Variants in DMD observed in about 807,000 individuals in gnomAD.
DMD encodes the protein mutant dystrophin.
DMD carries 63 observed loss-of-function variants against 330.1 expected under a neutral mutation model. The ratio of observed to expected loss-of-function variants is 0.19; its 90% CI spans 0.16 to 0.24. DMD has a LOEUF of 0.24. DMD is among the 10% of genes least tolerant of loss of function. The pLI, the probability that DMD is intolerant of heterozygous loss-of-function variation, is 1.00. For synonymous variants in DMD, 1,223 were observed against 959.8 expected (o/e 1.27, Z -5.07); for missense variants, 3,344 against 2,684.1 (o/e 1.25, Z -5.43).
chrX:31,773,878 G>A, intron 51 of DMD, 82 bp downstream of exon 51: 1 of 855,338 alleles, frequency 1.2e-6, no homozygotes, highest in South Asian at 2.1e-5. Flanking sequence ...GGTGGGAAAT[G>A]GTCTAGGAGA....
chrX:31,408,406 T>TTG (rs2061495021), intron 60 of DMD, among the ~76,000 whole-genome samples: 2 of 102,404 alleles, frequency 2.0e-5, no homozygotes, highest in Non-Finnish European at 4.1e-5. Context: ...TTCTTTAAAC[T>TTG]TTTTTTTTTT....
chrX:32,934,762 C>G (rs149615440), intron 2 of DMD, among the ~76,000 whole-genome samples: 255 of 112,282 alleles, frequency 2.3e-3, no homozygotes, highest in African/African-American at 7.8e-3. Flanking sequence ...TAGTTCTTCA[C>G]TCTTTTGTAC....
chrX:32,239,095 C>A (rs1473926182), intron 43 of DMD, among the ~76,000 whole-genome samples: 2 of 111,602 alleles, frequency 1.8e-5, no homozygotes, highest in Admixed American at 9.6e-5. Context: ...ATGGTGCATT[C>A]CTCTTGCGTC....
intron 61 of DMD, among the ~76,000 whole-genome samples, chrX:31,337,143 T>C (rs189450522): frequency 1.5e-4 from 16 of 109,820 alleles, no homozygotes; most frequent in Admixed American, 4.9e-4. Context: ...CAGGTTGGTC[T>C]CCAACTCCTG....
At chrX:31,506,631 A>G in intron 56 of DMD, among the ~76,000 whole-genome samples, 1 of 112,297 alleles carries the variant, frequency 8.9e-6, no homozygotes, top group Non-Finnish European at 1.9e-5. Context: ...AGATGCTATG[A>G]TGCATCCATT....
At chrX:32,828,992 G>T (rs1356705144) in intron 4 of DMD, among the ~76,000 whole-genome samples, 2 of 111,087 alleles carry the variant, frequency 1.8e-5, no homozygotes, top group African/African-American at 6.5e-5. Context: ...TGAATTTTAA[G>T]AGCTCTTGGT....
chrX:32,926,257 A>G (rs1233015512), intron 2 of DMD, among the ~76,000 whole-genome samples: 1 of 112,188 alleles, frequency 8.9e-6, no homozygotes, highest in African/African-American at 3.2e-5. Context: ...AGTTGGGCTC[A>G]TAGAAGTAGA....
intron 33 of DMD, among the ~76,000 whole-genome samples, chrX:32,381,904 T>C (rs950815788): frequency 9.0e-6 from 1 of 111,043 alleles, no homozygotes; most frequent in African/African-American, 3.3e-5. Context: ...GGCTCTGCGA[T>C]ACGTAGTGGA....
At chrX:32,434,369 C>T (rs947804138) in intron 29 of DMD, among the ~76,000 whole-genome samples, 1 of 111,587 alleles carries the variant, frequency 9.0e-6, no homozygotes, top group Non-Finnish European at 1.9e-5. Context: ...AAGATCGTGC[C>T]ATTGCACTCC....
chrX:31,785,665 C>T (rs943156496), intron 50 of DMD, among the ~76,000 whole-genome samples: 4 of 109,803 alleles, frequency 3.6e-5, no homozygotes, highest in African/African-American at 1.0e-4. Flanking sequence ...GTGTTCTCAT[C>T]GTTCAACTCC....
intron 17 of DMD, among the ~76,000 whole-genome samples, chrX:32,519,354 A>G (rs1327488216): frequency 9.1e-6 from 1 of 109,786 alleles, no homozygotes; most frequent in African/African-American, 3.3e-5. Flanking sequence ...AGTTGGAAAG[A>G]TATTGGCAAA....
chrX:32,880,537 T>C (rs1282970529), intron 2 of DMD, among the ~76,000 whole-genome samples: 3 of 112,096 alleles, frequency 2.7e-5, no homozygotes, highest in Non-Finnish European at 5.6e-5. Context: ...ACATACTATA[T>C]AGTCTTGTAA....
chrX:32,531,487 G>T (rs1301287981), intron 17 of DMD, among the ~76,000 whole-genome samples: 5 of 111,702 alleles, frequency 4.5e-5, no homozygotes, highest in Non-Finnish European at 7.5e-5. Flanking sequence ...CAAATTTAAA[G>T]AACAGAAAAG....
intron 47 of DMD, among the ~76,000 whole-genome samples, chrX:31,903,850 A>G (rs1372833132): frequency 2.7e-5 from 3 of 112,114 alleles, no homozygotes; most frequent in Admixed American, 9.5e-5. Flanking sequence ...AGTTCTTAAC[A>G]TAAATGAGAG....
At chrX:33,064,571 T>C (rs2094624736) in intron 1 of DMD, among the ~76,000 whole-genome samples, 1 of 112,349 alleles carries the variant, frequency 8.9e-6, no homozygotes, top group Non-Finnish European at 1.9e-5. Context: ...TTAAATGATA[T>C]TCATTATTTA....
At chrX:33,106,217 T>C (rs1444312410) in intron 1 of DMD, among the ~76,000 whole-genome samples, 1 of 110,727 alleles carries the variant, frequency 9.0e-6, no homozygotes, top group African/African-American at 3.3e-5. Flanking sequence ...TCACTTATAA[T>C]GGGAACTAAC....
intron 52 of DMD, among the ~76,000 whole-genome samples, chrX:31,711,169 T>A (rs2084608762): frequency 9.0e-6 from 1 of 111,446 alleles, no homozygotes; most frequent in Non-Finnish European, 1.9e-5. Context: ...ATTCTCAAAA[T>A]GTTTCCTCAG....
At chrX:33,239,768 T>C (rs1474936140) in intron 1 of DMD, among the ~76,000 whole-genome samples, 2 of 111,846 alleles carry the variant, frequency 1.8e-5, no homozygotes, top group Non-Finnish European at 3.8e-5. Flanking sequence ...TCTCTTAGTA[T>C]TTTTCATTTG....
At chrX:32,663,007 G>A (rs186261256) in intron 9 of DMD, among the ~76,000 whole-genome samples, 11 of 111,873 alleles carry the variant, frequency 9.8e-5, no homozygotes, top group Admixed American at 6.7e-4. Flanking sequence ...CATCTTTAGC[G>A]ATATCACCTG....
Sources: allele counts gnomAD v4.1 joint callset (sites outside exome capture counted in the v4.1 genomes callset), GRCh38; gene constraint gnomAD v4.1.1; transcripts MANE v1.5; gene names NCBI Gene and HGNC (gene_info 2026-07-23, HGNC 2026-07-21).